Variants in PRDM5 observed in about 807,000 individuals in gnomAD.
PRDM5 encodes the protein PR/SET domain 5, also known as PR domain zinc finger protein 5.
A neutral mutation model predicts 81.2 loss-of-function variants in PRDM5; 56 were observed. The observed-to-expected ratio is 0.69, with a 90% CI of 0.56 to 0.86. PRDM5 has a LOEUF of 0.86. Ranked by LOEUF, PRDM5 falls within the 40% of genes least tolerant of loss-of-function variation. The pLI is 0.00. For missense variants in PRDM5, 697 were observed against 770.1 expected (o/e 0.91, Z 1.12); for synonymous variants, 267 against 256.4 (o/e 1.04, Z -0.39).
At chr4:120,918,797 C>G (rs1724532192) in intron 1 of PRDM5, among the ~76,000 whole-genome samples, 1 of 151,956 alleles carries the variant, frequency 6.6e-6, no homozygotes, top group African/African-American at 2.4e-5. Context: ...TGCAAGACTC[C>G]CTGCAACTCT....
chr4:120,834,637 C>A (rs555307795), intron 3 of PRDM5, among the ~76,000 whole-genome samples: 58 of 152,262 alleles, frequency 3.8e-4, no homozygotes, highest in African/African-American at 1.4e-3. Flanking sequence ...AAATATTATT[C>A]TGTGTGTTTC....
chr4:120,904,868 T>C (rs1160434621), intron 2 of PRDM5, among the ~76,000 whole-genome samples: 2 of 152,174 alleles, frequency 1.3e-5, no homozygotes, highest in Non-Finnish European at 2.9e-5. Flanking sequence ...ATTAATAACA[T>C]GTTAAAAATT....
At chr4:120,852,669 A>G (rs939981103) in intron 3 of PRDM5, among the ~76,000 whole-genome samples, 10 of 151,934 alleles carry the variant, frequency 6.6e-5, no homozygotes, top group Admixed American at 5.2e-4. Flanking sequence ...ACGTATATAT[A>G]CACACATACA....
chr4:120,861,043 T>C (rs552396486), intron 2 of PRDM5, among the ~76,000 whole-genome samples: 2 of 152,346 alleles, frequency 1.3e-5, no homozygotes, highest in Non-Finnish European at 1.5e-5. Flanking sequence ...AATCTCGCTC[T>C]GTGGCCCAGG....
rs1317585394 is a variant in PRDM5 at position 120,777,241 on chromosome 4, C to A, written c.1484G>T (p.Gly495Val). ...GEKEKICPYC[G>V]QKFASSGTLR... ...TGTACCACTGCTGGCAAATTTCTGGCCACAATATGGACAGATTTTCTCCTT... is the reference window on the plus strand; with the variant it reads ...TGTACCACTGCTGGCAAATTTCTGGACACAATATGGACAGATTTTCTCCTT... The change falls in exon 13 of 16, where the codon GGC becomes GTC. Residue 495 changes from glycine (G) to valine (V), a missense_variant. By Grantham distance (109) the Gly-to-Val change is moderately radical (BLOSUM62 -3). This residue lies in a region of PRDM5 where 577 missense variants were observed against 606.7 expected (regional missense o/e 0.95). Transcript: ENST00000264808. 2 of 1,613,242 alleles carry A rather than the reference C, an allele frequency of 1.2e-6. No individual in the cohort carries two copies. The highest frequency in any genetic ancestry group is 2.7e-5 in the African/African-American group (2 of 74,828).
intron 2 of PRDM5, among the ~76,000 whole-genome samples, chr4:120,863,515 G>C (rs1412546169): frequency 6.6e-6 from 1 of 152,092 alleles, no homozygotes; most frequent in Non-Finnish European, 1.5e-5. Flanking sequence ...GCAAATAGGA[G>C]AGGCAGAGGG....
intron 2 of PRDM5, among the ~76,000 whole-genome samples, chr4:120,877,692 C>T (rs1422973321): frequency 6.6e-6 from 1 of 152,150 alleles, no homozygotes; most frequent in Non-Finnish European, 1.5e-5. Flanking sequence ...TTGATCCCAG[C>T]TTCTTGGGAG....
Position 120,692,661 on chromosome 4 carries a change from C to T in PRDM5, c.*2450G>A, listed in dbSNP as rs1444284472. On this transcript the variant is annotated 3_prime_UTR_variant, in exon 16 of 16. Transcript: ENST00000264808. ...TGAACGTCTCTTAAATTTACTTAGC[C>T]AATTTCTAAGTCTCAATTACTTAGA... The T allele has an allele frequency of 6.6e-6, 1 of 152,010 alleles. No homozygotes were observed. The highest frequency in any genetic ancestry group is 1.5e-5 in the Non-Finnish European group (1 of 67,988). The allele number at this position is 152,010 out of a possible 1,614,324, so 9.4% of individuals were successfully genotyped here.
At chr4:120,890,326 C>G (rs563963702) in intron 2 of PRDM5, among the ~76,000 whole-genome samples, 1 of 152,254 alleles carries the variant, frequency 6.6e-6, no homozygotes, top group East Asian at 1.9e-4. Flanking sequence ...ATCATAAGAA[C>G]AGTACTAAGG....
intron 13 of PRDM5, among the ~76,000 whole-genome samples, chr4:120,774,914 G>GTATATGTATA (rs1430763910): frequency 7.3e-6 from 1 of 137,370 alleles, no homozygotes; most frequent in Non-Finnish European, 1.6e-5. Flanking sequence ...ATATGTATAT[G>GTATATGTATA]TATATGTATA....
intron 1 of PRDM5, 40 bp downstream of exon 1, chr4:120,922,460 GGAGGCACAGGGCGCGC>G: frequency 7.2e-7 from 1 of 1,391,744 alleles, no homozygotes. Context: ...GGCGACTCCG[GGAGGCACAGGGCGCGC>G]GAGGTGCAGG....
chr4:120,780,070 T>C (rs1748821014), intron 12 of PRDM5, among the ~76,000 whole-genome samples: 1 of 151,948 alleles, frequency 6.6e-6, no homozygotes, highest in Admixed American at 6.6e-5. Context: ...ACAGATAAGA[T>C]AGATAGATAC....
chr4:120,823,945 G>T (rs1362143600), intron 3 of PRDM5, among the ~76,000 whole-genome samples: 1 of 152,142 alleles, frequency 6.6e-6, no homozygotes, highest in Non-Finnish European at 1.5e-5. Flanking sequence ...CTTCCCCAGA[G>T]AGCTGATTAT....
chr4:120,752,418 C>T (rs1744142683), intron 14 of PRDM5, among the ~76,000 whole-genome samples: 1 of 152,116 alleles, frequency 6.6e-6, no homozygotes, highest in African/African-American at 2.4e-5. Context: ...TGCCTAAAAT[C>T]CTGGGTGCTT....
At chr4:120,736,229 G>A (rs1340327241) in intron 14 of PRDM5, among the ~76,000 whole-genome samples, 1 of 151,422 alleles carries the variant, frequency 6.6e-6, no homozygotes, top group East Asian at 1.9e-4. Context: ...GTGTGTGTGT[G>A]TGTGTGTGTG....
At chr4:120,718,295 G>C (rs1157034876) in intron 14 of PRDM5, among the ~76,000 whole-genome samples, 1 of 152,154 alleles carries the variant, frequency 6.6e-6, no homozygotes, top group Non-Finnish European at 1.5e-5. Flanking sequence ...GACAGTCTTT[G>C]TCTCTCTCTC....
chr4:120,900,327 A>T (rs1579174715), intron 2 of PRDM5, among the ~76,000 whole-genome samples: 1 of 151,696 alleles, frequency 6.6e-6, no homozygotes, highest in Non-Finnish European at 1.5e-5. Context: ...TATCTAGGGG[A>T]CTCCAGCCTC....
At chr4:120,827,138 T>C (rs1348348321) in intron 3 of PRDM5, among the ~76,000 whole-genome samples, 1 of 152,160 alleles carries the variant, frequency 6.6e-6, no homozygotes, top group Non-Finnish European at 1.5e-5. Flanking sequence ...GGACAACGAA[T>C]GCATTCTGAT....
intron 2 of PRDM5, among the ~76,000 whole-genome samples, chr4:120,863,903 C>T (rs969266500): frequency 6.6e-6 from 1 of 152,098 alleles, no homozygotes; most frequent in Non-Finnish European, 1.5e-5. Flanking sequence ...TGCAGTTAGT[C>T]AAGGACAATA....
Sources: gnomAD v4.1 joint callset for allele counts (sites outside exome capture counted in the v4.1 genomes callset) on GRCh38, gnomAD v4.1.1 for gene constraint, gnomAD v4.1.1 regional missense constraint, MANE v1.5 for transcripts, NCBI Gene and HGNC (gene_info 2026-07-23, HGNC 2026-07-21) for gene names.